ITPRID1: variants seen among roughly 807,000 people sequenced by gnomAD.
ITPRID1 encodes the protein ITPR interacting domain containing 1, also known as protein ITPRID1.
In ITPRID1, 96 loss-of-function variants were observed where a neutral mutation model predicts 95.4. The ratio of observed to expected loss-of-function variants is 1.01; its 90% CI spans 0.85 to 1.19. The LOEUF (loss-of-function observed/expected upper bound fraction) is 1.19, where lower values mean the gene tolerates loss of function less well. Among genes scored for constraint, ITPRID1 ranks in the 50% most tolerant of loss-of-function variants. ITPRID1 has a pLI of 0.00. For missense variants in ITPRID1, 1,339 were observed against 1,252.9 expected (o/e 1.07, Z -1.04); for synonymous variants, 510 against 453.6 (o/e 1.12, Z -1.58).
intron 10 of ITPRID1, among the ~76,000 whole-genome samples, chr7:31,622,262 G>A (rs377433974): frequency 7.0e-5 from 10 of 143,586 alleles, no homozygotes; most frequent in East Asian, 2.1e-4. Context: ...GACCTAATAG[G>A]CATCTACAGA....
At chr7:31,562,044 T>C (rs1018120212) in intron 5 of ITPRID1, among the ~76,000 whole-genome samples, 1 of 52,510 alleles carries the variant, frequency 1.9e-5, no homozygotes, top group Non-Finnish European at 3.6e-5. Flanking sequence ...GCTATGTATT[T>C]AAAAAAAAAA....
intron 1 of ITPRID1, among the ~76,000 whole-genome samples, chr7:31,520,733 C>T (rs1366518342): frequency 6.6e-6 from 1 of 152,084 alleles, no homozygotes; most frequent in Non-Finnish European, 1.5e-5. Context: ...CTTCTAGGCC[C>T]TCTCAACAGA....
intron 10 of ITPRID1, among the ~76,000 whole-genome samples, chr7:31,615,585 A>C (rs898608810): frequency 4.6e-5 from 7 of 152,158 alleles, no homozygotes; most frequent in African/African-American, 1.7e-4. Context: ...AAGCAAAATA[A>C]GACATTAAGT....
rs1791209603 is a variant in ITPRID1, at chr7:31,654,690, G to A, written c.*1861G>A. 1.3e-5 allele frequency among the ~76,000 whole-genome samples: 2 copies of A among 152,162 alleles called. No individual in the cohort carries two copies. Among genetic ancestry groups the A allele is most frequent in the Admixed American group, 1.3e-4 (2 of 15,278 alleles). On this transcript the variant is annotated 3_prime_UTR_variant, in exon 15 of 15. Transcript: ENST00000615280. Reference sequence around the variant, plus strand: ...GGCACACAAAGGCCAGAGGCACTGGGTCTCTAAGGAATGGGGAATAGATGC... The same window carrying A: ...GGCACACAAAGGCCAGAGGCACTGGATCTCTAAGGAATGGGGAATAGATGC...
rs115276699 is a variant in ITPRID1, at chr7:31,538,075, G to A, written c.-97-11351G>A. Among the ~76,000 whole-genome samples, 355 of 152,262 alleles carry A rather than the reference G, an allele frequency of 2.3e-3. 1 individual carries two copies. Among genetic ancestry groups the A allele is most frequent in the African/African-American group, 7.9e-3 (328 of 41,554 alleles). On this transcript the variant is annotated intron_variant, in intron 1 of 14. Coordinates refer to ENST00000615280, the MANE Select transcript of ITPRID1 (RefSeq NM_001257967.3). Reference sequence around the variant, plus strand: ...TTTTCTAAACTTTTGCTCTAACAGCGAAGACTGGACTGATCTTCAGAAATA... The same window carrying A: ...TTTTCTAAACTTTTGCTCTAACAGCAAAGACTGGACTGATCTTCAGAAATA...
rs757636079 is a variant in ITPRID1, at chr7:31,652,669, AG to A, written c.2977del (p.Ala993LeufsTer33). 7 of 1,613,740 alleles carry A rather than the reference AG, an allele frequency of 4.3e-6. No individual in the cohort carries two copies. In the East Asian group the frequency reaches 6.7e-5, roughly 15 times the overall value. On this transcript the variant is annotated frameshift_variant, in exon 15 of 15. Transcript: ENST00000615280. LOFTEE classifies it low-confidence loss of function (END_TRUNC). ...RTVFPPDDGQ[E>X]APCSGGTQLA... ...GTGTTTCCTCCCGATGATGGCCAGG[AG>A]GCTCCCTGTTCAGGTGGGACCCAGT... is the stretch of plus-strand genomic sequence containing the variant.
At chr7:31,625,158 C>A (rs1426026021) in intron 10 of ITPRID1, among the ~76,000 whole-genome samples, 3 of 152,126 alleles carry the variant, frequency 2.0e-5, no homozygotes, top group Admixed American at 1.3e-4. Context: ...AATAGGAACA[C>A]TTTTACATTG....
At chr7:31,644,977 T>C (rs1790340294) in intron 12 of ITPRID1, among the ~76,000 whole-genome samples, 1 of 152,216 alleles carries the variant, frequency 6.6e-6, no homozygotes, top group African/African-American at 2.4e-5. Flanking sequence ...TTCTGTTATG[T>C]CATTTAACCT....
intron 1 of ITPRID1, among the ~76,000 whole-genome samples, chr7:31,537,134 T>TG (rs1583470872): frequency 1.4e-5 from 2 of 148,066 alleles, no homozygotes; most frequent in South Asian, 2.2e-4. Flanking sequence ...TGTGTGTGTG[T>TG]TTCCCCTTCC....
At chr7:31,609,825 T>C (rs1017145802) in intron 10 of ITPRID1, among the ~76,000 whole-genome samples, 1 of 151,428 alleles carries the variant, frequency 6.6e-6, no homozygotes, top group Non-Finnish European at 1.5e-5. Flanking sequence ...TTCATTCTGC[T>C]TGCTTTGCAT....
Position 31,580,398 on chromosome 7 carries a change from C to T in ITPRID1, c.1170+1964C>T, listed in dbSNP as rs187986015. On this transcript the variant is annotated intron_variant, in intron 9 of 14. Coordinates refer to ENST00000615280, the MANE Select transcript of ITPRID1 (RefSeq NM_001257967.3). ...CAACCCATTGTCAAGCCTCGTCAGA[C>T]TCTATTGTCCCTGAAGGTTCTTCTG... Among the ~76,000 whole-genome samples, 10 of 151,902 alleles carry T rather than the reference C, an allele frequency of 6.6e-5. No homozygotes were observed. The East Asian group carries it at 1.9e-3, about 29-fold the overall frequency.
At chr7:31,617,862 G>GAGTT (rs1381307755) in intron 10 of ITPRID1, among the ~76,000 whole-genome samples, 1 of 152,168 alleles carries the variant, frequency 6.6e-6, no homozygotes, top group African/African-American at 2.4e-5. Context: ...ATTAAGAAGA[G>GAGTT]AGTTACTTTT....
chr7:31,550,199 TC>T (rs769325213), intron 2 of ITPRID1, among the ~76,000 whole-genome samples: 1 of 80,260 alleles, frequency 1.2e-5, no homozygotes, highest in South Asian at 4.5e-4. Flanking sequence ...TTTTGCATCC[TC>T]TTTTTTTTTT....
At chr7:31,597,952 C>G (rs1786158030) in intron 10 of ITPRID1, among the ~76,000 whole-genome samples, 1 of 152,038 alleles carries the variant, frequency 6.6e-6, no homozygotes, top group Non-Finnish European at 1.5e-5. Flanking sequence ...ATAAACAGCT[C>G]AGAAGTAGAC....
At chr7:31,517,835 A>C (rs1241315740) in intron 1 of ITPRID1, 2 of 152,440 alleles carry the variant, frequency 1.3e-5, no homozygotes, top group African/African-American at 4.8e-5. Context: ...GCCGAGAGAC[A>C]GCGAGGGCTG....
intron 1 of ITPRID1, among the ~76,000 whole-genome samples, chr7:31,531,960 G>A (rs550015473): frequency 1.7e-4 from 26 of 152,066 alleles, no homozygotes; most frequent in Non-Finnish European, 3.2e-4. Flanking sequence ...AGGTAATAGC[G>A]TACAACTGCA....
intron 10 of ITPRID1, among the ~76,000 whole-genome samples, chr7:31,632,178 G>A (rs1419414729): frequency 1.3e-5 from 2 of 152,194 alleles, no homozygotes; most frequent in African/African-American, 2.4e-5. Context: ...GCAGGGCGTG[G>A]TGGCTCACAC....
intron 10 of ITPRID1, among the ~76,000 whole-genome samples, chr7:31,633,428 A>G (rs1039378427): frequency 3.3e-5 from 5 of 152,186 alleles, no homozygotes; most frequent in Admixed American, 2.6e-4. Flanking sequence ...ATGACCATCT[A>G]TAAGGAGTGT....
rs2128223169 is a variant in ITPRID1 at position 31,655,876 on chromosome 7, G to A, written c.*3047G>A. 13 of 985,486 alleles carry A rather than the reference G, an allele frequency of 1.3e-5. No individual in the cohort carries two copies. Among genetic ancestry groups the A allele is most frequent in the Non-Finnish European group, 1.6e-5 (13 of 829,974 alleles). The allele number at this position is 985,486 out of a possible 1,614,324, so 61.0% of individuals were successfully genotyped here. A position where few individuals can be genotyped will look rare whatever the true frequency, so the allele number is the denominator to read the frequency against. On this transcript the variant is annotated 3_prime_UTR_variant, in exon 15 of 15. Coordinates refer to ENST00000615280, the MANE Select transcript of ITPRID1 (RefSeq NM_001257967.3). Reference sequence around the variant, plus strand: ...CCCTGTAACGCCTACGGAATGAAGAGGAACACCTGGCTCTAGGATGTCCCT... The same window carrying A: ...CCCTGTAACGCCTACGGAATGAAGAAGAACACCTGGCTCTAGGATGTCCCT...
Sources: allele counts gnomAD v4.1 joint callset (sites outside exome capture counted in the v4.1 genomes callset), GRCh38; gene constraint gnomAD v4.1.1; transcripts MANE v1.5; gene names NCBI Gene and HGNC (gene_info 2026-07-23, HGNC 2026-07-21).